Variants in ST8SIA5 observed in about 807,000 individuals in gnomAD.
The protein encoded by ST8SIA5 is ST8 alpha-N-acetyl-neuraminide alpha-2,8-sialyltransferase 5.
A neutral mutation model predicts 40.2 loss-of-function variants in ST8SIA5; 24 were observed. The observed-to-expected ratio is 0.60, with a 90% CI of 0.43 to 0.84. ST8SIA5 has a LOEUF of 0.84. ST8SIA5 is among the 40% of genes least tolerant of loss of function. The pLI, the probability that ST8SIA5 is intolerant of heterozygous loss-of-function variation, is 0.00. For missense variants in ST8SIA5, 465 were observed against 498.5 expected (o/e 0.93, Z 0.64); for synonymous variants, 198 against 201.8 (o/e 0.98, Z 0.16).
intron 2 of ST8SIA5, among the ~76,000 whole-genome samples, chr18:46,704,107 TC>T (rs1336793378): frequency 6.6e-6 from 1 of 151,416 alleles, no homozygotes; most frequent in Non-Finnish European, 1.5e-5. Context: ...TGAATAACCA[TC>T]TGTACTGCAC....
chr18:46,744,371 T>C (rs2040117803), intron 1 of ST8SIA5, among the ~76,000 whole-genome samples: 1 of 152,232 alleles, frequency 6.6e-6, no homozygotes, highest in South Asian at 2.1e-4. Context: ...TGGAGGAAGA[T>C]CTACCAAGCA....
intron 1 of ST8SIA5, among the ~76,000 whole-genome samples, chr18:46,716,056 C>T (rs1341921288): frequency 6.6e-6 from 1 of 151,334 alleles, no homozygotes; most frequent in African/African-American, 2.4e-5. Context: ...CTAACCCCTC[C>T]CATGAGTGCT....
At chr18:46,750,871 C>T (rs1275019518) in intron 1 of ST8SIA5, among the ~76,000 whole-genome samples, 1 of 152,164 alleles carries the variant, frequency 6.6e-6, no homozygotes, top group Non-Finnish European at 1.5e-5. Flanking sequence ...TCCCATTGCT[C>T]ACATCAGTGG....
rs985489574 is a variant in ST8SIA5, at chr18:46,679,862, C to G, written c.*180G>C. The G allele has an allele frequency of 4.2e-5, 28 of 667,684 alleles. No homozygotes were observed. The highest frequency in any genetic ancestry group is 6.5e-5 in the Non-Finnish European group (26 of 399,894). The allele number at this position is 667,684 out of a possible 1,614,324, so 41.4% of individuals were successfully genotyped here. The stretch of plus-strand genomic sequence containing the variant: ...GCCAGGAGGCTCAGCACAGAGCTGA[C>G]TCTGCCCCGGTTCCTAACCCTGCCT... On this transcript the variant is annotated 3_prime_UTR_variant, in exon 7 of 7. Transcript: ENST00000315087.
chr18:46,723,588 A>G (rs2039884874), intron 1 of ST8SIA5, among the ~76,000 whole-genome samples: 1 of 152,130 alleles, frequency 6.6e-6, no homozygotes, highest in Admixed American at 6.6e-5. Context: ...ATGAATAAAT[A>G]GTGAAACACT....
intron 1 of ST8SIA5, among the ~76,000 whole-genome samples, chr18:46,728,747 G>A (rs1165722156): frequency 6.6e-6 from 1 of 152,210 alleles, no homozygotes; most frequent in Non-Finnish European, 1.5e-5. Context: ...GAGTGAGACT[G>A]AAGCCACTGT....
At chr18:46,688,501 G>A (rs2039470277) in intron 4 of ST8SIA5, among the ~76,000 whole-genome samples, 1 of 152,168 alleles carries the variant, frequency 6.6e-6, no homozygotes, top group Non-Finnish European at 1.5e-5. Flanking sequence ...GATATCCTCT[G>A]CAAGCAATGC....
At chr18:46,740,426 A>G (rs1378900405) in intron 1 of ST8SIA5, among the ~76,000 whole-genome samples, 2 of 152,244 alleles carry the variant, frequency 1.3e-5, no homozygotes, top group Non-Finnish European at 2.9e-5. Flanking sequence ...ATGTAAATAT[A>G]CTAAACTTTC....
intron 1 of ST8SIA5, among the ~76,000 whole-genome samples, chr18:46,751,160 C>A (rs1298195261): frequency 6.6e-6 from 1 of 152,088 alleles, no homozygotes; most frequent in Non-Finnish European, 1.5e-5. Flanking sequence ...CCCCAGGAAC[C>A]ACCATTCTAC....
chr18:46,699,700 A>G (rs481297), intron 2 of ST8SIA5, among the ~76,000 whole-genome samples: 104,278 of 152,068 alleles, frequency 0.69, 36,066 homozygotes, highest in East Asian at 0.84. Flanking sequence ...TTTCTTTCAC[A>G]GCCTCCTGTT....
At chr18:46,708,757 C>T (rs934352421) in intron 1 of ST8SIA5, among the ~76,000 whole-genome samples, 5 of 152,214 alleles carry the variant, frequency 3.3e-5, no homozygotes, top group Admixed American at 2.6e-4. Flanking sequence ...ACTTCCCCCT[C>T]GCTCCCTCTG....
At chr18:46,711,043 A>C (rs917509555) in intron 1 of ST8SIA5, among the ~76,000 whole-genome samples, 2 of 152,214 alleles carry the variant, frequency 1.3e-5, no homozygotes, top group African/African-American at 4.8e-5. Context: ...CTTGGTGCAG[A>C]GTCTCAGAGA....
At chr18:46,751,593 C>T (rs2040196240) in intron 1 of ST8SIA5, among the ~76,000 whole-genome samples, 1 of 152,032 alleles carries the variant, frequency 6.6e-6, no homozygotes, top group Non-Finnish European at 1.5e-5. Flanking sequence ...GACAGGGTTT[C>T]ACCATGTTGG....
chr18:46,684,574 C>G (rs2039427537), intron 5 of ST8SIA5, among the ~76,000 whole-genome samples: 2 of 152,122 alleles, frequency 1.3e-5, no homozygotes, highest in African/African-American at 4.8e-5. Context: ...TAACTCAAAC[C>G]AGGCTCCCCA....
Position 46,678,647 on chromosome 18 carries a change from G to A in ST8SIA5, c.*1395C>T, listed in dbSNP as rs2039356140. On this transcript the variant is annotated 3_prime_UTR_variant, in exon 7 of 7. Coordinates refer to ENST00000315087, the MANE Select transcript of ST8SIA5 (RefSeq NM_013305.6). ...GCTTTCCAGAAATGTTTAAGGGGAG[G>A]AAGAAAAGAGGAAGGGAGGGAAGGA... 2 of 152,430 alleles carry A rather than the reference G, an allele frequency of 1.3e-5. No individual in the cohort carries two copies. Among genetic ancestry groups the A allele is most frequent in the African/African-American group, 2.4e-5 (1 of 41,454 alleles). The allele number at this position is 152,430 out of a possible 1,614,324, so 9.4% of individuals were successfully genotyped here. A position where few individuals can be genotyped will look rare whatever the true frequency, so the allele number is the denominator to read the frequency against.
chr18:46,697,710 A>G (rs546260711), intron 2 of ST8SIA5, among the ~76,000 whole-genome samples: 1 of 152,314 alleles, frequency 6.6e-6, no homozygotes, highest in East Asian at 1.9e-4. Flanking sequence ...TGTCTCAACA[A>G]CAATAAAAAG....
chr18:46,738,401 G>C (rs2040055954), intron 1 of ST8SIA5, among the ~76,000 whole-genome samples: 1 of 152,122 alleles, frequency 6.6e-6, no homozygotes, highest in Non-Finnish European at 1.5e-5. Context: ...GCAGGTCAGA[G>C]CCAGGATTAG....
intron 1 of ST8SIA5, among the ~76,000 whole-genome samples, chr18:46,735,067 G>T (rs1331368660): frequency 6.6e-6 from 1 of 152,200 alleles, no homozygotes. Flanking sequence ...TGAGTCTCCT[G>T]GCCTTCATCT....
chr18:46,682,991 G>A (rs762310975), intron 5 of ST8SIA5, among the ~76,000 whole-genome samples: 3 of 152,188 alleles, frequency 2.0e-5, no homozygotes, highest in Non-Finnish European at 2.9e-5. Flanking sequence ...AAGACTGTAA[G>A]ATAATAAAAT....
Sources: allele counts gnomAD v4.1 joint callset (sites outside exome capture counted in the v4.1 genomes callset), GRCh38; gene constraint gnomAD v4.1.1; transcripts MANE v1.5; gene names NCBI Gene and HGNC (gene_info 2026-07-23, HGNC 2026-07-21).